Variants in SLCO4A1 observed in about 807,000 individuals in gnomAD.
The protein encoded by SLCO4A1 is colon organic anion transporter.
In SLCO4A1, 51 loss-of-function variants were observed where a neutral mutation model predicts 64.6. That is an observed-to-expected ratio of 0.79 (90% CI 0.63 to 1.00). SLCO4A1 has a LOEUF of 1.00. Ranked by LOEUF, SLCO4A1 falls within the 50% of genes least tolerant of loss-of-function variation. The pLI is 0.00. For synonymous variants in SLCO4A1, 471 were observed against 444.9 expected (o/e 1.06, Z -0.74); for missense variants, 919 against 980.5 (o/e 0.94, Z 0.84).
chr20:62,660,090 TG>T (rs1403268235), intron 3 of SLCO4A1, among the ~76,000 whole-genome samples: 1 of 152,186 alleles, frequency 6.6e-6, no homozygotes, highest in Non-Finnish European at 1.5e-5. Flanking sequence ...CTCCCGCTGT[TG>T]CCTGGAGAGG....
rs1439869742 is a variant in SLCO4A1, at chr20:62,656,796, C to A, written c.342C>A (p.Phe114Leu). 6 of 1,612,814 alleles carry A rather than the reference C, an allele frequency of 3.7e-6. No homozygotes were observed. The highest frequency in any genetic ancestry group is 5.1e-6 in the Non-Finnish European group (6 of 1,179,956). The stretch of plus-strand genomic sequence containing the variant: ...TGTTCTTCCTGTGTGCGGCCGCATT[C>A]CTGCAGGGGATGACTGTGAATGGCT... ...GILFFLCAAA[F>L]LQGMTVNGFI... Residue 114 changes from phenylalanine (F) to leucine (L), a missense_variant, in exon 2 of 12, where the codon TTC (phenylalanine) becomes TTA (leucine). Phe to Leu is a conservative substitution (Grantham distance 22). Transcript: ENST00000217159.
In SLCO4A1 at chr20:62,658,756, A is replaced by G; in HGVS notation, c.876A>G (p.Glu292=). ...IGGALLNIYT[E]MGRRTELTTE... is the part of the protein sequence containing the mutation. ...GTGCCCTGCTGAATATCTACACGGA[A>G]ATGGGCCGACGGTGAGTGGCCGCGC... is the stretch of plus-strand genomic sequence containing the variant. Residue 292 remains glutamate, a synonymous_variant, in exon 3 of 12, where the codon GAA becomes GAG. Coordinates refer to ENST00000217159, the MANE Select transcript of SLCO4A1 (RefSeq NM_016354.4). 1.9e-6 allele frequency: 3 copies of G among 1,609,958 alleles called. No homozygotes were observed. The highest frequency in any genetic ancestry group is 2.5e-6 in the Non-Finnish European group (3 of 1,178,602).
chr20:62,642,695 C>G (rs1980583858), intron 1 of SLCO4A1, 142 bp downstream of exon 1: 2 of 173,388 alleles, frequency 1.2e-5, no homozygotes, highest in African/African-American at 2.4e-5. Context: ...TGGGCACCGG[C>G]CGAGCGCCCC....
intron 5 of SLCO4A1, 61 bp from the exon 6 acceptor site, chr20:62,664,873 C>T (rs1376062903): frequency 2.0e-6 from 3 of 1,501,690 alleles, no homozygotes; most frequent in Non-Finnish European, 2.7e-6. Context: ...TTCTCCACAC[C>T]CCGACCTCTG....
intron 1 of SLCO4A1, among the ~76,000 whole-genome samples, chr20:62,655,391 A>C (rs900073801): frequency 6.6e-6 from 1 of 152,194 alleles, no homozygotes; most frequent in African/African-American, 2.4e-5. Context: ...GTTCCGCATC[A>C]TAGCAGCCCT....
Position 62,671,926 on chromosome 20 carries a change from A to T in SLCO4A1, c.*33A>T. ...CCGCGCCCACCCGGCCACGGCGGGC[A>T]CTCAGCATTTCCTGATGACAGAACA... On this transcript the variant is annotated 3_prime_UTR_variant, in exon 12 of 12. Coordinates refer to ENST00000217159, the MANE Select transcript of SLCO4A1 (RefSeq NM_016354.4). 1 of 1,605,500 alleles carries T rather than the reference A, an allele frequency of 6.2e-7. No homozygotes were observed. Among genetic ancestry groups the T allele is most frequent in the Non-Finnish European group, 8.5e-7 (1 of 1,179,958 alleles).
chr20:62,656,383 C>T lies in SLCO4A1; in HGVS notation c.-72C>T, dbSNP rs1298886493. 5 of 1,336,576 alleles carry T rather than the reference C, an allele frequency of 3.7e-6. No individual in the cohort carries two copies. The highest frequency in any genetic ancestry group is 5.0e-6 in the Non-Finnish European group (5 of 1,006,700). 82.8% of individuals were successfully genotyped at this position (1,336,576 alleles called of 1,614,324 possible). A position where few individuals can be genotyped will look rare whatever the true frequency, so the allele number is the denominator to read the frequency against. ...GGACACACCAGCCCCTCGGATACCA[C>T]TTGGCCACTCCCGCTGAGGCCACTC... On this transcript the variant is annotated 5_prime_UTR_variant, in exon 2 of 12. Coordinates refer to ENST00000217159, the MANE Select transcript of SLCO4A1 (RefSeq NM_016354.4).
chr20:62,685,670 G>A lies in SLCO4A1; in HGVS notation n.441G>A, dbSNP rs1166377286. 6.5e-6 allele frequency: 1 copy of A among 154,002 alleles called. No homozygotes were observed. Among genetic ancestry groups the A allele is most frequent in the Admixed American group, 6.5e-5 (1 of 15,294 alleles). 9.5% of individuals were successfully genotyped at this position (154,002 alleles called of 1,614,324 possible). A position where few individuals can be genotyped will look rare whatever the true frequency, so the allele number is the denominator to read the frequency against. ...AAGAGGTGGACGAAACAACGGAAGT[G>A]GAGGGGGTGGATTCTCTACCTGGGA... is the stretch of plus-strand genomic sequence containing the variant. On this transcript the variant is annotated non_coding_transcript_exon_variant, in exon 3 of 3. Transcript: ENST00000466818. The surrounding 1 kb of genome is among the most constrained non-coding windows in gnomAD (Gnocchi z 4.6).
intron 5 of SLCO4A1, among the ~76,000 whole-genome samples, chr20:62,662,593 A>T (rs965868989): frequency 1.3e-5 from 2 of 152,346 alleles, no homozygotes; most frequent in South Asian, 4.1e-4. Flanking sequence ...CAACACGAGA[A>T]TTTCAGCCGA....
intron 2 of SLCO4A1, among the ~76,000 whole-genome samples, chr20:62,682,543 G>A (rs1987881846): frequency 6.6e-6 from 1 of 152,178 alleles, no homozygotes; most frequent in African/African-American, 2.4e-5. Context: ...TCTCCACTCA[G>A]GGGGATAGTG....
At chr20:62,667,971 T>A in intron 8 of SLCO4A1, 41 bp from the exon 9 acceptor site, 1 of 1,613,796 alleles carries the variant, frequency 6.2e-7, no homozygotes, top group Non-Finnish European at 8.5e-7. Context: ...GGGGCCCCCG[T>A]GCCTTCCCCT....
At position 62,671,582 on chromosome 20, in the gene SLCO4A1, T is replaced by A. The variant is rs558113908; in HGVS notation, c.2026-168T>A. Among the ~76,000 whole-genome samples, 11 of 152,254 alleles carry A rather than the reference T, an allele frequency of 7.2e-5. No individual in the cohort carries two copies. In the South Asian group the frequency reaches 2.3e-3, roughly 32 times the overall value. On this transcript the variant is annotated intron_variant, in intron 11 of 11. Transcript: ENST00000217159. Reference sequence around the variant, plus strand: ...TCTTTAACAATATTGGCGTCTGCTCTACAAACCGGTTATATGGGAAAGATA... The same window carrying A: ...TCTTTAACAATATTGGCGTCTGCTCAACAAACCGGTTATATGGGAAAGATA...
chr20:62,665,730 T>C (rs6011499), intron 6 of SLCO4A1: 90,759 of 152,082 alleles, frequency 0.6, 27,658 homozygotes, highest in East Asian at 0.83. Flanking sequence ...CAAGCCCACA[T>C]TCCCACACTC....
In SLCO4A1 at chr20:62,657,194, TG is replaced by T; in HGVS notation, c.743del (p.Gly248AlafsTer34). 1 of 1,550,186 alleles carries T rather than the reference TG, an allele frequency of 6.5e-7. No homozygotes were observed. ...GTGGGTGCCACACCCCTCTACACGC[TG>T]GGCGTCACCTACCTGGATGAGAACG... ...HGVGATPLYTLGVTYLDENVK... is the reference protein window; with the variant it reads ...HGVGATPLYTXGVTYLDENVK... On this transcript the variant is annotated frameshift_variant, in exon 2 of 12. Transcript: ENST00000217159. LOFTEE classifies it high-confidence loss of function.
intron 2 of SLCO4A1, among the ~76,000 whole-genome samples, chr20:62,681,264 A>G (rs1451053893): frequency 1.3e-5 from 2 of 152,240 alleles, no homozygotes; most frequent in Non-Finnish European, 2.9e-5. Flanking sequence ...TCCCTTGCAC[A>G]CTTTGCCCAG....
At chr20:62,687,653 C>T (rs6062838), downstream of SLCO4A1, among the ~76,000 whole-genome samples, 12,113 of 152,286 alleles carry the variant, frequency 0.08, 553 homozygotes, top group Non-Finnish European at 0.1. Context: ...CCAGACTCTG[C>T]GCCCCAAGGG....
At chr20:62,670,327 C>T (rs1245143862) in intron 11 of SLCO4A1, 3 of 152,276 alleles carry the variant, frequency 2.0e-5, no homozygotes, top group Admixed American at 6.5e-5. Context: ...TAACCTTTGT[C>T]CAGCGTGTCC....
rs377111739 is a variant in SLCO4A1 at position 62,670,378 on chromosome 20, G to A, written c.2025+1300G>A. Reference sequence around the variant, plus strand: ...CCACCTGTTGATCACTTAGCAGCCGGTGTGGTTCCCACATCCCCCATCACC... The same window carrying A: ...CCACCTGTTGATCACTTAGCAGCCGATGTGGTTCCCACATCCCCCATCACC... On this transcript the variant is annotated intron_variant, in intron 11 of 11. Transcript: ENST00000217159. 5.2e-4 allele frequency among the ~76,000 whole-genome samples: 79 copies of A among 152,308 alleles called. No homozygotes were observed. In the South Asian group the frequency reaches 6.8e-3, roughly 13 times the overall value.
chr20:62,670,657 G>A (rs972285393), intron 11 of SLCO4A1, among the ~76,000 whole-genome samples: 27 of 152,160 alleles, frequency 1.8e-4, no homozygotes, highest in African/African-American at 6.3e-4. Flanking sequence ...TGCTGTGTTG[G>A]ATGCATCCCT....
Sources: allele counts gnomAD v4.1 joint callset (sites outside exome capture counted in the v4.1 genomes callset), GRCh38; gene constraint gnomAD v4.1.1; non-coding constraint Gnocchi (gnomAD v3.1); transcripts MANE v1.5; gene names NCBI Gene and HGNC (gene_info 2026-07-23, HGNC 2026-07-21).